The following B3GALT6 variants were observed in gnomAD, a reference collection of about 807,000 sequenced individuals.
The protein encoded by B3GALT6 is beta-1,3-galactosyltransferase 6.
B3GALT6 carries 27 observed loss-of-function variants against 23.3 expected under a neutral mutation model. The ratio of observed to expected loss-of-function variants is 1.16; its 90% CI spans 0.85 to 1.60. The LOEUF (loss-of-function observed/expected upper bound fraction) is 1.60, where lower values mean the gene tolerates loss of function less well. Among genes scored for constraint, B3GALT6 ranks in the 40% most tolerant of loss-of-function variants. The pLI, the probability that B3GALT6 is intolerant of heterozygous loss-of-function variation, is 0.00. For missense variants in B3GALT6, 554 were observed against 471.1 expected, an observed-to-expected ratio of 1.18 and a Z score of -1.63; for synonymous variants, 313 against 232.3, an observed-to-expected ratio of 1.35 and a Z score of -3.16.
Position 1,233,733 on chromosome 1 carries a change from G to A in B3GALT6, c.*465G>A, listed in dbSNP as rs1027466529. 5.8e-6 allele frequency: 1 copy of A among 172,290 alleles called. No individual in the cohort carries two copies. Among genetic ancestry groups the A allele is most frequent in the African/African-American group, 2.4e-5 (1 of 41,660 alleles). The allele number at this position is 172,290 out of a possible 1,614,324, so 10.7% of individuals were successfully genotyped here. ...AAGTTTGTGTCGATGAGTGTAAGTT[G>A]GCAGTGCGCACGTCTCGGTTTTTTT... is the stretch of plus-strand genomic sequence containing the variant. On this transcript the variant is annotated 3_prime_UTR_variant, in exon 1 of 1. Coordinates refer to ENST00000379198, the MANE Select transcript of B3GALT6 (RefSeq NM_080605.4).
rs914725170 is a variant in B3GALT6 at position 1,233,235 on chromosome 1, G to A, written c.957G>A (p.Ser319=). 1 of 1,493,478 alleles carries A rather than the reference G, an allele frequency of 6.7e-7. No homozygotes were observed. The allele number at this position is 1,493,478 out of a possible 1,614,324, so 92.5% of individuals were successfully genotyped here. The change falls in exon 1 of 1, where the codon TCG becomes TCA. Residue 319 remains serine, a synonymous_variant. Coordinates refer to ENST00000379198, the MANE Select transcript of B3GALT6 (RefSeq NM_080605.4). ...SYVYDWSAPP[S]QCCQRREGIP ...TGTACGACTGGTCCGCGCCGCCCTC[G>A]CAGTGCTGCCAGAGAAGGGAGGGCA...
In B3GALT6 at chr1:1,233,432, G is replaced by A; in HGVS notation, c.*164G>A. ...TTTGGGAGACCCCTGGGGGTTGCCG[G>A]GGCAGCGCGCCGTGTCCAGGTGGAG... is the stretch of plus-strand genomic sequence containing the variant. On this transcript the variant is annotated 3_prime_UTR_variant, in exon 1 of 1. Coordinates refer to ENST00000379198, the MANE Select transcript of B3GALT6 (RefSeq NM_080605.4). 1 of 966,632 alleles carries A rather than the reference G, an allele frequency of 1.0e-6. No homozygotes were observed. The allele number at this position is 966,632 out of a possible 1,614,324, so 59.9% of individuals were successfully genotyped here. A position where few individuals can be genotyped will look rare whatever the true frequency, so the allele number is the denominator to read the frequency against.
In B3GALT6 at chr1:1,233,149, G is replaced by C. The variant is rs1434211258; in HGVS notation, c.871G>C (p.Ala291Pro). Residue 291 changes from alanine to proline, a missense_variant, in exon 1 of 1, where the codon GCG (alanine) becomes CCG (proline). Physicochemically the swap from Ala to Pro is conservative, Grantham distance 27. Coordinates refer to ENST00000379198, the MANE Select transcript of B3GALT6 (RefSeq NM_080605.4). ...CCTGGAGGACATGCTGGAGAAGCAC[G>C]CGACGCTGGCGCGCGAGGGCCGCCT... ...QSLEDMLEKH[A>P]TLAREGRLCK... 3 of 1,552,946 alleles carry C rather than the reference G, an allele frequency of 1.9e-6. No homozygotes were observed. Among genetic ancestry groups the C allele is most frequent in the Non-Finnish European group, 2.6e-6 (3 of 1,153,612 alleles).
At position 1,233,075 on chromosome 1, in the gene B3GALT6, A is replaced by G; in HGVS notation, c.797A>G (p.Tyr266Cys). Residue 266 changes from tyrosine (Y) to cysteine (C), a missense_variant, in exon 1 of 1, where the codon TAC becomes TGC. Physicochemically the swap from Tyr to Cys is radical, Grantham distance 194. Coordinates refer to ENST00000379198, the MANE Select transcript of B3GALT6 (RefSeq NM_080605.4). The stretch of plus-strand genomic sequence containing the variant: ...CACGACCCGCGCTTCGACACCGAAT[A>G]CCGGTCCCGCGGCTGCAGCAACCAG... ...REHDPRFDTE[Y>C]RSRGCSNQYL... 6.4e-7 allele frequency: 1 copy of G among 1,554,596 alleles called. No homozygotes were observed. Among genetic ancestry groups the G allele is most frequent in the Non-Finnish European group, 8.7e-7 (1 of 1,154,606 alleles).
chr1:1,232,946 A>G lies in B3GALT6; in HGVS notation c.668A>G (p.Asp223Gly), dbSNP rs757743789. The change falls in exon 1 of 1, where the codon GAC becomes GGC. Residue 223 changes from aspartate (D) to glycine (G), a missense_variant. Coordinates refer to ENST00000379198, the MANE Select transcript of B3GALT6 (RefSeq NM_080605.4). ...GGCGGCGGCTACGTGCTCTCGGCCG[A>G]CCTGGTGCACTACCTGCGCCTCAGC... is the stretch of plus-strand genomic sequence containing the variant. ...ALGGGYVLSA[D>G]LVHYLRLSRD... is the part of the protein sequence containing the mutation. 2.6e-6 allele frequency: 4 copies of G among 1,564,770 alleles called. No homozygotes were observed. The highest frequency in any genetic ancestry group is 3.4e-6 in the Non-Finnish European group (4 of 1,163,640).
At position 1,234,306 on chromosome 1, in the gene B3GALT6, C is replaced by T. The variant is rs1429697975; in HGVS notation, c.*1038C>T. ...TAGTCTCGAGCATCAGGGTCAGGCT[C>T]GGGGCAGGGCTGGGTTAGGCTCCGG... On this transcript the variant is annotated 3_prime_UTR_variant, in exon 1 of 1. Transcript: ENST00000379198. 2 of 166,864 alleles carry T rather than the reference C, an allele frequency of 1.2e-5. No individual in the cohort carries two copies. The highest frequency in any genetic ancestry group is 1.5e-5 in the Non-Finnish European group (1 of 68,218). 10.3% of individuals were successfully genotyped at this position (166,864 alleles called of 1,614,324 possible). A position where few individuals can be genotyped will look rare whatever the true frequency, so the allele number is the denominator to read the frequency against.
rs2100994630 is a variant in B3GALT6, at chr1:1,233,075, A to T, written c.797A>T (p.Tyr266Phe). Residue 266 changes from tyrosine to phenylalanine, a missense_variant, in exon 1 of 1, where the codon TAC becomes TTC. Tyr to Phe is a conservative substitution (Grantham distance 22). Transcript: ENST00000379198. ...REHDPRFDTE[Y>F]RSRGCSNQYL... is the part of the protein sequence containing the mutation. ...CACGACCCGCGCTTCGACACCGAAT[A>T]CCGGTCCCGCGGCTGCAGCAACCAG... 3 of 1,554,596 alleles carry T rather than the reference A, an allele frequency of 1.9e-6. No individual in the cohort carries two copies. The South Asian group carries it at 3.5e-5, about 18-fold the overall frequency.
rs1638583345 is a variant in B3GALT6 at position 1,233,431 on chromosome 1, G to A, written c.*163G>A. On this transcript the variant is annotated 3_prime_UTR_variant, in exon 1 of 1. Coordinates refer to ENST00000379198, the MANE Select transcript of B3GALT6 (RefSeq NM_080605.4). ...GTTTGGGAGACCCCTGGGGGTTGCC[G>A]GGGCAGCGCGCCGTGTCCAGGTGGA... 11 of 961,638 alleles carry A rather than the reference G, an allele frequency of 1.1e-5. No homozygotes were observed. The Admixed American group carries it at 1.3e-4, about 11-fold the overall frequency. The allele number at this position is 961,638 out of a possible 1,614,324, so 59.6% of individuals were successfully genotyped here.
chr1:1,233,296 C>T lies in B3GALT6; in HGVS notation c.*28C>T, dbSNP rs576751217. ...CGCCGCGGCCCGGCCCTCCGGGACA[C>T]CTGCTTCACCCGGCGGCGCCTTGGG... On this transcript the variant is annotated 3_prime_UTR_variant, in exon 1 of 1. Coordinates refer to ENST00000379198, the MANE Select transcript of B3GALT6 (RefSeq NM_080605.4). The T allele has an allele frequency of 1.3e-5, 19 of 1,409,126 alleles. No homozygotes were observed. In the South Asian group the frequency reaches 2.6e-4, roughly 20 times the overall value. The allele number at this position is 1,409,126 out of a possible 1,614,324, so 87.3% of individuals were successfully genotyped here. A position where few individuals can be genotyped will look rare whatever the true frequency, so the allele number is the denominator to read the frequency against.
At position 1,232,990 on chromosome 1, in the gene B3GALT6, T is replaced by C. The variant is rs1355038863; in HGVS notation, c.712T>C (p.Trp238Arg). Residue 238 changes from tryptophan to arginine, a missense_variant, in exon 1 of 1, where the codon TGG becomes CGG. Physicochemically the swap from Trp to Arg is moderately radical, Grantham distance 101. Coordinates refer to ENST00000379198, the MANE Select transcript of B3GALT6 (RefSeq NM_080605.4). The stretch of plus-strand genomic sequence containing the variant: ...CCTCAGCCGCGACTACCTGCGCGCC[T>C]GGCACAGCGAGGACGTGTCTCTGGG... ...LRLSRDYLRA[W>R]HSEDVSLGAW... is the part of the protein sequence containing the mutation. The C allele has an allele frequency of 2.6e-6, 4 of 1,563,994 alleles. No homozygotes were observed. Among genetic ancestry groups the C allele is most frequent in the Non-Finnish European group, 3.4e-6 (4 of 1,162,104 alleles).
In B3GALT6 at chr1:1,232,649, C is replaced by A; in HGVS notation, c.371C>A (p.Ala124Glu). ...CACGGGGACCTGCTGCTGCTGCCCG[C>A]GCTGCGCGACGCCTACGAAAACCTC... ...ARHGDLLLLP[A>E]LRDAYENLTA... Residue 124 changes from alanine to glutamate, a missense_variant, in exon 1 of 1, where the codon GCG becomes GAG. Transcript: ENST00000379198. 7.7e-7 allele frequency: 1 copy of A among 1,300,990 alleles called. No individual in the cohort carries two copies. Among genetic ancestry groups the A allele is most frequent in the Non-Finnish European group, 9.8e-7 (1 of 1,020,850 alleles). 80.6% of individuals were successfully genotyped at this position (1,300,990 alleles called of 1,614,324 possible). A position where few individuals can be genotyped will look rare whatever the true frequency, so the allele number is the denominator to read the frequency against.
chr1:1,232,941 G>C lies in B3GALT6; in HGVS notation c.663G>C (p.Ser221=), dbSNP rs531846309. ...PYALGGGYVL[S]ADLVHYLRLS... ...CGCTGGGCGGCGGCTACGTGCTCTC[G>C]GCCGACCTGGTGCACTACCTGCGCC... The change falls in exon 1 of 1, where the codon TCG becomes TCC. Residue 221 remains serine (S), a synonymous_variant. Transcript: ENST00000379198. 1.9e-6 allele frequency: 3 copies of C among 1,564,684 alleles called. No homozygotes were observed. The highest frequency in any genetic ancestry group is 1.4e-5 in the African/African-American group (1 of 73,746).
chr1:1,232,672 C>T lies in B3GALT6; in HGVS notation c.394C>T (p.Leu132Phe). 1 of 1,352,948 alleles carries T rather than the reference C, an allele frequency of 7.4e-7. No homozygotes were observed. The highest frequency in any genetic ancestry group is 9.5e-7 in the Non-Finnish European group (1 of 1,048,368). 83.8% of individuals were successfully genotyped at this position (1,352,948 alleles called of 1,614,324 possible). The part of the protein sequence containing the change: ...LPALRDAYEN[L>F]TAKVLAMLAW... ...CGCGCTGCGCGACGCCTACGAAAACCTCACGGCCAAGGTGCTGGCCATGCT... is the reference window on the plus strand; with the variant it reads ...CGCGCTGCGCGACGCCTACGAAAACTTCACGGCCAAGGTGCTGGCCATGCT... The change falls in exon 1 of 1, where the codon CTC (leucine) becomes TTC (phenylalanine). Residue 132 changes from leucine to phenylalanine, a missense_variant. By Grantham distance (22) the Leu-to-Phe change is conservative. Coordinates refer to ENST00000379198, the MANE Select transcript of B3GALT6 (RefSeq NM_080605.4).
At position 1,233,096 on chromosome 1, in the gene B3GALT6, A is replaced by T; in HGVS notation, c.818A>T (p.Asn273Ile). Residue 273 changes from asparagine (N) to isoleucine (I), a missense_variant, in exon 1 of 1, where the codon AAC (asparagine) becomes ATC (isoleucine). By Grantham distance (149) the Asn-to-Ile change is moderately radical. Transcript: ENST00000379198. ...DTEYRSRGCS[N>I]QYLVTHKQSL... ...GAATACCGGTCCCGCGGCTGCAGCA[A>T]CCAGTACCTGGTGACGCACAAGCAG... 1 of 1,563,344 alleles carries T rather than the reference A, an allele frequency of 6.4e-7. No homozygotes were observed. Among genetic ancestry groups the T allele is most frequent in the Non-Finnish European group, 8.6e-7 (1 of 1,158,994 alleles).
Position 1,232,666 on chromosome 1 carries a change from G to GA in B3GALT6, c.392dup (p.Asn131LysfsTer312). 1 of 1,335,842 alleles carries GA rather than the reference G, an allele frequency of 7.5e-7. No individual in the cohort carries two copies. Among genetic ancestry groups the GA allele is most frequent in the Non-Finnish European group, 9.6e-7 (1 of 1,038,850 alleles). 82.7% of individuals were successfully genotyped at this position (1,335,842 alleles called of 1,614,324 possible). A position where few individuals can be genotyped will look rare whatever the true frequency, so the allele number is the denominator to read the frequency against. On this transcript the variant is annotated frameshift_variant, in exon 1 of 1. Transcript: ENST00000379198. LOFTEE classifies it high-confidence loss of function. ...GCTGCCCGCGCTGCGCGACGCCTAC[G>GA]AAAACCTCACGGCCAAGGTGCTGGC...
rs1039242906 is a variant in B3GALT6, at chr1:1,232,309, C to T, written c.31C>T (p.Arg11Trp). 5.1e-6 allele frequency: 5 copies of T among 982,636 alleles called. No individual in the cohort carries two copies. Among genetic ancestry groups the T allele is most frequent in the Admixed American group, 1.3e-4 (2 of 15,790 alleles). 60.9% of individuals were successfully genotyped at this position (982,636 alleles called of 1,614,324 possible). MKLLRRAWRR[R>W]AALGLGTLAL... is the part of the protein sequence containing the mutation. Reference sequence around the variant, plus strand: ...GCTGCTGCGGCGGGCGTGGCGGCGGCGGGCGGCGCTAGGCCTGGGCACGCT... The same window carrying T: ...GCTGCTGCGGCGGGCGTGGCGGCGGTGGGCGGCGCTAGGCCTGGGCACGCT... Residue 11 changes from arginine (R) to tryptophan (W), a missense_variant, in exon 1 of 1, where the codon CGG (arginine) becomes TGG (tryptophan). Arg to Trp is a moderately radical substitution (Grantham distance 101). Coordinates refer to ENST00000379198, the MANE Select transcript of B3GALT6 (RefSeq NM_080605.4).
chr1:1,233,282 G>A lies in B3GALT6; in HGVS notation c.*14G>A. The A allele has an allele frequency of 7.0e-7, 1 of 1,432,064 alleles. No individual in the cohort carries two copies. The highest frequency in any genetic ancestry group is 9.1e-7 in the Non-Finnish European group (1 of 1,097,008). The allele number at this position is 1,432,064 out of a possible 1,614,324, so 88.7% of individuals were successfully genotyped here. A position where few individuals can be genotyped will look rare whatever the true frequency, so the allele number is the denominator to read the frequency against. On this transcript the variant is annotated 3_prime_UTR_variant, in exon 1 of 1. Coordinates refer to ENST00000379198, the MANE Select transcript of B3GALT6 (RefSeq NM_080605.4). ...GGCATCCCCTGAGCCGCCGCGGCCC[G>A]GCCCTCCGGGACACCTGCTTCACCC...
At position 1,232,575 on chromosome 1, in the gene B3GALT6, C is replaced by A; in HGVS notation, c.297C>A (p.Ala99=). The stretch of plus-strand genomic sequence containing the variant: ...GGGCGCGCTTTGCCGTGGGCACGGC[C>A]GGCCTGGGCGCCGAGGAGCGGCGCG... ...DVWARFAVGT[A]GLGAEERRAL... Residue 99 remains alanine, a synonymous_variant, in exon 1 of 1, where the codon GCC becomes GCA. Coordinates refer to ENST00000379198, the MANE Select transcript of B3GALT6 (RefSeq NM_080605.4). 1 of 1,186,966 alleles carries A rather than the reference C, an allele frequency of 8.4e-7. No homozygotes were observed. The highest frequency in any genetic ancestry group is 3.2e-4 in the Middle Eastern group (1 of 3,150). The allele number at this position is 1,186,966 out of a possible 1,614,324, so 73.5% of individuals were successfully genotyped here.
At position 1,234,792 on chromosome 1, in the gene B3GALT6, G is replaced by C. The variant is rs1454628544; in HGVS notation, c.*1524G>C. The C allele has an allele frequency of 6.0e-6, 1 of 166,904 alleles. No homozygotes were observed. Among genetic ancestry groups the C allele is most frequent in the Non-Finnish European group, 1.5e-5 (1 of 68,138 alleles). The allele number at this position is 166,904 out of a possible 1,614,324, so 10.3% of individuals were successfully genotyped here. A position where few individuals can be genotyped will look rare whatever the true frequency, so the allele number is the denominator to read the frequency against. On this transcript the variant is annotated 3_prime_UTR_variant, in exon 1 of 1. Transcript: ENST00000379198. Reference sequence around the variant, plus strand: ...ACCCTGCGTGTGCTTGGAGAGGCCAGAGGGCTTGCTGAGAACCCCATGGAC... The same window carrying C: ...ACCCTGCGTGTGCTTGGAGAGGCCACAGGGCTTGCTGAGAACCCCATGGAC...
Sources: allele counts gnomAD v4.1 joint callset, GRCh38; gene constraint gnomAD v4.1.1; transcripts MANE v1.5; gene names NCBI Gene and HGNC (gene_info 2026-07-23, HGNC 2026-07-21).